The following WDR7 variants were observed in gnomAD, a reference collection of about 807,000 sequenced individuals.
WDR7 encodes the protein WD repeat-containing protein 7.
In WDR7, 46 loss-of-function variants were observed where a neutral mutation model predicts 169.4. That is an observed-to-expected ratio of 0.27 (90% CI 0.21 to 0.35). The LOEUF is 0.35. Ranked by LOEUF, WDR7 falls within the 10% of genes least tolerant of loss-of-function variation. The pLI is 1.00. For synonymous variants in WDR7, 612 were observed against 666.8 expected, an observed-to-expected ratio of 0.92 and a Z score of 1.27; for missense variants, 1,534 against 1,859.3, an observed-to-expected ratio of 0.83 and a Z score of 3.22.
chr18:56,664,521 T>C (rs1240385103), intron 1 of WDR7, among the ~76,000 whole-genome samples: 1 of 61,846 alleles, frequency 1.6e-5, no homozygotes, highest in Non-Finnish European at 3.7e-5. Flanking sequence ...AGAAGTTTTT[T>C]TTTTTCTCCT....
chr18:56,977,840 T>C (rs562224778), intron 26 of WDR7, among the ~76,000 whole-genome samples: 8 of 152,348 alleles, frequency 5.3e-5, no homozygotes, highest in African/African-American at 1.9e-4. Flanking sequence ...GAAAACCAGC[T>C]GCCTAAAGCC....
chr18:56,654,209 G>A (rs1316169699), intron 1 of WDR7, among the ~76,000 whole-genome samples: 2 of 151,942 alleles, frequency 1.3e-5, no homozygotes, highest in Non-Finnish European at 2.9e-5. Context: ...TTGGCTCACT[G>A]CCATCTCTGT....
At chr18:56,939,419 GAATA>G (rs762771162) in intron 25 of WDR7, 26 bp downstream of exon 25, 21 of 1,494,348 alleles carry the variant, frequency 1.4e-5, no homozygotes, top group Non-Finnish European at 1.7e-5. Flanking sequence ...AGAGCATGCA[GAATA>G]AATAATTTTC....
At chr18:56,788,109 A>G (rs1366039785) in intron 19 of WDR7, among the ~76,000 whole-genome samples, 2 of 152,166 alleles carry the variant, frequency 1.3e-5, no homozygotes, top group African/African-American at 2.4e-5. Flanking sequence ...TTTAATTACT[A>G]AATGCTCAGG....
Position 56,908,376 on chromosome 18 carries a change from A to G in WDR7, c.3527-15546A>G, listed in dbSNP as rs566636120. ...CAATCAAGCTTTTCACTTTTCATACATGTTAAAATGATTCAGCACTTCTTT... is the reference window on the plus strand; with the variant it reads ...CAATCAAGCTTTTCACTTTTCATACGTGTTAAAATGATTCAGCACTTCTTT... On this transcript the variant is annotated intron_variant, in intron 21 of 27. Coordinates refer to ENST00000254442, the MANE Select transcript of WDR7 (RefSeq NM_015285.3). Among the ~76,000 whole-genome samples, 3 of 152,310 alleles carry G rather than the reference A, an allele frequency of 2.0e-5. No individual in the cohort carries two copies. In the East Asian group the frequency reaches 5.8e-4, roughly 29 times the overall value.
intron 1 of WDR7, among the ~76,000 whole-genome samples, chr18:56,652,112 G>C (rs558421550): frequency 6.6e-6 from 1 of 152,120 alleles, no homozygotes. Flanking sequence ...TTAGTGATGG[G>C]TCCCAGCGTT....
intron 20 of WDR7, among the ~76,000 whole-genome samples, chr18:56,872,250 A>G (rs1354528775): frequency 1.3e-5 from 2 of 152,184 alleles, no homozygotes; most frequent in Non-Finnish European, 2.9e-5. Context: ...ATTTTACCCT[A>G]GCACTGCACA....
intron 12 of WDR7, among the ~76,000 whole-genome samples, chr18:56,700,660 C>A (rs889587873): frequency 1.3e-5 from 2 of 148,774 alleles, no homozygotes; most frequent in African/African-American, 5.0e-5. Flanking sequence ...AGCTCCGCCT[C>A]CCGGGTTCAC....
At chr18:56,655,859 G>A (rs940076676) in intron 1 of WDR7, among the ~76,000 whole-genome samples, 1 of 152,128 alleles carries the variant, frequency 6.6e-6, no homozygotes, top group Non-Finnish European at 1.5e-5. Context: ...GACAGTTCTT[G>A]AGATTCATCA....
intron 24 of WDR7, among the ~76,000 whole-genome samples, chr18:56,938,976 A>G (rs1359461806): frequency 1.3e-5 from 2 of 152,266 alleles, no homozygotes; most frequent in East Asian, 3.9e-4. Context: ...AAGGTCTGTA[A>G]TATGTAAAGG....
chr18:56,700,900 A>G (rs2543158), intron 12 of WDR7, among the ~76,000 whole-genome samples: 139,573 of 152,222 alleles, frequency 0.92, 65,189 homozygotes, highest in East Asian at 1. Context: ...AGATCTTTGA[A>G]ATTCAGTATT....
At chr18:56,977,949 T>C (rs1173893517) in intron 26 of WDR7, among the ~76,000 whole-genome samples, 1 of 152,170 alleles carries the variant, frequency 6.6e-6, no homozygotes, top group Non-Finnish European at 1.5e-5. Flanking sequence ...AAACTTATAG[T>C]TGTAAATCTA....
intron 16 of WDR7, among the ~76,000 whole-genome samples, chr18:56,764,200 G>A (rs1352331119): frequency 6.6e-6 from 1 of 151,922 alleles, no homozygotes; most frequent in African/African-American, 2.4e-5. Flanking sequence ...TATTATTTTA[G>A]TGGCATTACA....
At chr18:56,702,898 C>T (rs971951475) in intron 12 of WDR7, among the ~76,000 whole-genome samples, 3 of 152,110 alleles carry the variant, frequency 2.0e-5, no homozygotes, top group Non-Finnish European at 4.4e-5. Context: ...ATTAAATTCT[C>T]AGAGCTGTCT....
At chr18:57,005,209 G>A (rs2048038717) in intron 26 of WDR7, among the ~76,000 whole-genome samples, 1 of 152,060 alleles carries the variant, frequency 6.6e-6, no homozygotes, top group South Asian at 2.1e-4. Context: ...TTAAAAAAAT[G>A]ATGTCCTTAT....
chr18:56,724,504 TCCTGGCCATG>T (rs1171074667), intron 13 of WDR7, among the ~76,000 whole-genome samples: 1 of 151,372 alleles, frequency 6.6e-6, no homozygotes, highest in Non-Finnish European at 1.5e-5. Flanking sequence ...GAGCCACCGC[TCCTGGCCATG>T]CCTTTGTAAT....
intron 26 of WDR7, among the ~76,000 whole-genome samples, chr18:56,964,208 G>GC (rs2047373785): frequency 1.2e-5 from 1 of 83,746 alleles, no homozygotes; most frequent in Non-Finnish European, 2.3e-5. Flanking sequence ...TTGGTAACAT[G>GC]CAAAAAAAAA....
At chr18:56,797,479 T>G (rs1017009135) in intron 19 of WDR7, among the ~76,000 whole-genome samples, 2 of 152,000 alleles carry the variant, frequency 1.3e-5, no homozygotes, top group African/African-American at 2.4e-5. Context: ...CATGTAGTTT[T>G]TAAAATATAA....
At chr18:56,815,026 C>G (rs17090366) in intron 19 of WDR7, among the ~76,000 whole-genome samples, 1 of 152,094 alleles carries the variant, frequency 6.6e-6, no homozygotes, top group Non-Finnish European at 1.5e-5. Flanking sequence ...AAGGTTCTTC[C>G]TCTTTTGGTG....
Sources: allele counts gnomAD v4.1 joint callset (sites outside exome capture counted in the v4.1 genomes callset), GRCh38; gene constraint gnomAD v4.1.1; transcripts MANE v1.5; gene names NCBI Gene and HGNC (gene_info 2026-07-23, HGNC 2026-07-21).